Variants in KCNQ1 observed in about 807,000 individuals in gnomAD.
The protein encoded by KCNQ1 is potassium voltage-gated channel subfamily KQT member 1.
In KCNQ1, 49 loss-of-function variants were observed where a neutral mutation model predicts 72.4. That is an observed-to-expected ratio of 0.68 (90% CI 0.54 to 0.86). The LOEUF is 0.86. KCNQ1 is among the 40% of genes least tolerant of loss of function. The pLI, the probability that KCNQ1 is intolerant of heterozygous loss-of-function variation, is 0.00. For synonymous variants in KCNQ1, 450 were observed against 412.6 expected (o/e 1.09, Z -1.10); for missense variants, 790 against 945.1 (o/e 0.84, Z 2.15).
intron 5 of KCNQ1, 38 bp from the exon 6 acceptor site, chr11:2,572,808 G>T: frequency 6.2e-7 from 1 of 1,613,012 alleles, no homozygotes; most frequent in Non-Finnish European, 8.5e-7. Context: ...CCCAGCCTGC[G>T]GTTCCTGGAG....
intron 11 of KCNQ1, chr11:2,699,306 G>A (rs1246874638): frequency 7.5e-6 from 3 of 398,898 alleles, no homozygotes; most frequent in African/African-American, 6.2e-5. Context: ...GATCTGGGAC[G>A]GCCGCGGGGC....
Position 2,647,218 on chromosome 11 carries a change from T to G in KCNQ1, c.1394-14743T>G. ...AATTTTATCAGATGCTTTTTCTGCA[T>G]CTATTGAGATGATCATGTATTTTTT... On this transcript the variant is annotated intron_variant, in intron 10 of 15. Transcript: ENST00000155840. The surrounding 1 kb of genome is among the most constrained non-coding windows in gnomAD (Gnocchi z 4.0). 2.5e-6 allele frequency: 1 copy of G among 398,538 alleles called. No individual in the cohort carries two copies. The highest frequency in any genetic ancestry group is 4.4e-6 in the Non-Finnish European group (1 of 226,034). 24.7% of individuals were successfully genotyped at this position (398,538 alleles called of 1,614,324 possible). A position where few individuals can be genotyped will look rare whatever the true frequency, so the allele number is the denominator to read the frequency against.
chr11:2,646,899 T>G, intron 10 of KCNQ1: 1 of 398,650 alleles, frequency 2.5e-6, no homozygotes, highest in Non-Finnish European at 4.4e-6. Flanking sequence ...GGTGGAATCT[T>G]TAGGTTTTTC....
rs12576156 is a variant in KCNQ1, at chr11:2,477,588, A to G, written c.386+32104A>G. ...CTCATTATGATGGCAGACTAAACCC[A>G]TAGTGTGTTAAAAATGACCACACAT... On this transcript the variant is annotated intron_variant, in intron 1 of 15. Transcript: ENST00000155840. This position sits in a 1 kb window ranked among gnomAD's most constrained non-coding sequence, Gnocchi z 5.0. 0.22 allele frequency among the ~76,000 whole-genome samples: 33,115 copies of G among 152,052 alleles called. 4,427 individuals are homozygous for G. Among genetic ancestry groups the G allele is most frequent in the African/African-American group, 0.38 (15,685 of 41,410 alleles).
In KCNQ1 at chr11:2,783,836, A is replaced by G. The variant is rs944597282; in HGVS notation, c.1794+5799A>G. On this transcript the variant is annotated intron_variant, in intron 15 of 15. Coordinates refer to ENST00000155840, the MANE Select transcript of KCNQ1 (RefSeq NM_000218.3). The surrounding 1 kb of genome is among the most constrained non-coding windows in gnomAD (Gnocchi z 5.2). ...TATTCAACTCTCTTGCCCATTTTCT[A>G]ATTAAGTAGTCTGTTCTATTATTGA... is the stretch of plus-strand genomic sequence containing the variant. 2.0e-5 allele frequency among the ~76,000 whole-genome samples: 3 copies of G among 151,972 alleles called. No homozygotes were observed. Among genetic ancestry groups the G allele is most frequent in the African/African-American group, 7.2e-5 (3 of 41,406 alleles).
rs1848611273 is a variant in KCNQ1, at chr11:2,587,618, A to G, written c.1177A>G (p.Lys393Glu). The G allele has an allele frequency of 3.7e-6, 6 of 1,613,828 alleles. No individual in the cohort carries two copies. Among genetic ancestry groups the G allele is most frequent in the Non-Finnish European group, 5.1e-6 (6 of 1,179,990 alleles). ...AAENPDSSTW[K>E]IYIRKAPRSH... ...CGAGAACCCCGACTCCTCCACCTGGAAGATCTACATCCGGAAGGCCCCCCG... is the reference window on the plus strand; with the variant it reads ...CGAGAACCCCGACTCCTCCACCTGGGAGATCTACATCCGGAAGGCCCCCCG... The change falls in exon 9 of 16, where the codon AAG becomes GAG. Residue 393 changes from lysine to glutamate, a missense_variant. By Grantham distance (56) the Lys-to-Glu change is moderately conservative. Coordinates refer to ENST00000155840, the MANE Select transcript of KCNQ1 (RefSeq NM_000218.3).
At chr11:2,841,681 G>A (rs1848214952) in intron 15 of KCNQ1, among the ~76,000 whole-genome samples, 1 of 152,226 alleles carries the variant, frequency 6.6e-6, no homozygotes, top group East Asian at 1.9e-4. Flanking sequence ...AGCTGACGGG[G>A]ACATCCTAGC....
chr11:2,540,748 T>A (rs751454897), intron 2 of KCNQ1, among the ~76,000 whole-genome samples: 2 of 152,172 alleles, frequency 1.3e-5, no homozygotes, highest in Non-Finnish European at 2.9e-5. Flanking sequence ...TTGTGCCCTC[T>A]AGGGTGGCAA....
intron 1 of KCNQ1, among the ~76,000 whole-genome samples, chr11:2,470,689 A>G (rs1264861971): frequency 7.4e-6 from 1 of 135,436 alleles, no homozygotes; most frequent in Non-Finnish European, 1.5e-5. Context: ...CCAAGTGGGG[A>G]TCCACTCAGT....
intron 11 of KCNQ1, among the ~76,000 whole-genome samples, chr11:2,707,256 G>A (rs1850926289): frequency 6.6e-6 from 1 of 152,212 alleles, no homozygotes; most frequent in Non-Finnish European, 1.5e-5. Flanking sequence ...GGGTCTTGGG[G>A]ACAGGCCTGT....
chr11:2,689,542 C>G (rs975787907), intron 11 of KCNQ1: 10 of 398,530 alleles, frequency 2.5e-5, no homozygotes, highest in African/African-American at 2.1e-4. Flanking sequence ...GAAGCTTGCA[C>G]AGGAAGAACA....
chr11:2,452,720 T>C (rs1291396178), intron 1 of KCNQ1, among the ~76,000 whole-genome samples: 1 of 152,222 alleles, frequency 6.6e-6, no homozygotes, highest in Non-Finnish European at 1.5e-5. Context: ...ACAGCTTTGC[T>C]AATTAAAACA....
In KCNQ1 at chr11:2,463,461, C is replaced by T. The variant is rs755546653; in HGVS notation, c.386+17977C>T. Reference sequence around the variant, plus strand: ...TTCTGGTTGTCCTTGGTGCAGGTGGCGGGCGGGGCTGGGGGGCTCTGTAGC... The same window carrying T: ...TTCTGGTTGTCCTTGGTGCAGGTGGTGGGCGGGGCTGGGGGGCTCTGTAGC... On this transcript the variant is annotated intron_variant, in intron 1 of 15. Transcript: ENST00000155840. This position sits in a 1 kb window ranked among gnomAD's most constrained non-coding sequence, Gnocchi z 7.0. 9.9e-5 allele frequency among the ~76,000 whole-genome samples: 15 copies of T among 152,268 alleles called. No homozygotes were observed. Among genetic ancestry groups the T allele is most frequent in the East Asian group, 1.9e-4 (1 of 5,182 alleles).
rs183160807 is a variant in KCNQ1 at position 2,660,175 on chromosome 11, T to A, written c.1394-1786T>A. ...TTCTTCAAGATATTTTATGGTTTTA[T>A]GTTTTATTTTAGATTTTTTTTCAGT... On this transcript the variant is annotated intron_variant, in intron 10 of 15. Coordinates refer to ENST00000155840, the MANE Select transcript of KCNQ1 (RefSeq NM_000218.3). 1.3e-3 allele frequency: 534 copies of A among 398,244 alleles called. 2 individuals are homozygous for A. The highest frequency in any genetic ancestry group is 1.4e-3 in the Non-Finnish European group (311 of 225,974). 24.7% of individuals were successfully genotyped at this position (398,244 alleles called of 1,614,324 possible). A position where few individuals can be genotyped will look rare whatever the true frequency, so the allele number is the denominator to read the frequency against.
At position 2,646,342 on chromosome 11, in the gene KCNQ1, G is replaced by A. The variant is rs553229687; in HGVS notation, c.1394-15619G>A. On this transcript the variant is annotated intron_variant, in intron 10 of 15. Coordinates refer to ENST00000155840, the MANE Select transcript of KCNQ1 (RefSeq NM_000218.3). ...TTTTTCTTTCAATCCATGAGCATGGGATGTCTCAAAAAATTTTGTAGCCTC... is the reference window on the plus strand; with the variant it reads ...TTTTTCTTTCAATCCATGAGCATGGAATGTCTCAAAAAATTTTGTAGCCTC... 177 of 398,382 alleles carry A rather than the reference G, an allele frequency of 4.4e-4. No individual in the cohort carries two copies. The highest frequency in any genetic ancestry group is 6.7e-4 in the Non-Finnish European group (151 of 226,058). The allele number at this position is 398,382 out of a possible 1,614,324, so 24.7% of individuals were successfully genotyped here. A position where few individuals can be genotyped will look rare whatever the true frequency, so the allele number is the denominator to read the frequency against.
chr11:2,654,326 G>C lies in KCNQ1; in HGVS notation c.1394-7635G>C. 2.5e-6 allele frequency: 1 copy of C among 398,748 alleles called. No individual in the cohort carries two copies. The highest frequency in any genetic ancestry group is 4.4e-5 in the Admixed American group (1 of 22,716). The allele number at this position is 398,748 out of a possible 1,614,324, so 24.7% of individuals were successfully genotyped here. ...GATTTCTTGAGGGGGCCAGGGAGGGGGCTTCTACTTGCAAAGGATAGGGAG... is the reference window on the plus strand; with the variant it reads ...GATTTCTTGAGGGGGCCAGGGAGGGCGCTTCTACTTGCAAAGGATAGGGAG... On this transcript the variant is annotated intron_variant, in intron 10 of 15. Transcript: ENST00000155840. The surrounding 1 kb of genome is among the most constrained non-coding windows in gnomAD (Gnocchi z 6.4).
At chr11:2,744,106 G>A (rs910566697) in intron 11 of KCNQ1, among the ~76,000 whole-genome samples, 11 of 152,236 alleles carry the variant, frequency 7.2e-5, no homozygotes, top group Non-Finnish European at 1.5e-4. Flanking sequence ...CCTCTTGGCC[G>A]CATTCTGAAA....
chr11:2,499,460 T>G (rs1398663778), intron 1 of KCNQ1, among the ~76,000 whole-genome samples: 1 of 150,816 alleles, frequency 6.6e-6, no homozygotes, highest in Non-Finnish European at 1.5e-5. Context: ...TACGTATCAA[T>G]AATAATATTA....
In KCNQ1 at chr11:2,670,265, T is replaced by C. The variant is rs558215526; in HGVS notation, c.1514+8184T>C. ...CATGACGGGCGAGGGAAGAGGACCA[T>C]GGTAGCTTGTCTCTAGGCAACCCAT... On this transcript the variant is annotated intron_variant, in intron 11 of 15. Coordinates refer to ENST00000155840, the MANE Select transcript of KCNQ1 (RefSeq NM_000218.3). This position sits in a 1 kb window ranked among gnomAD's most constrained non-coding sequence, Gnocchi z 4.9. The C allele has an allele frequency of 1.0e-5, 4 of 398,466 alleles. No individual in the cohort carries two copies. In the South Asian group the frequency reaches 5.1e-4, roughly 51 times the overall value. 24.7% of individuals were successfully genotyped at this position (398,466 alleles called of 1,614,324 possible). A position where few individuals can be genotyped will look rare whatever the true frequency, so the allele number is the denominator to read the frequency against.
Sources: gnomAD v4.1 joint callset for allele counts (sites outside exome capture counted in the v4.1 genomes callset) on GRCh38, gnomAD v4.1.1 for gene constraint, Gnocchi (gnomAD v3.1) non-coding constraint, MANE v1.5 for transcripts, NCBI Gene and HGNC (gene_info 2026-07-23, HGNC 2026-07-21) for gene names.